CCSER1: variants seen among roughly 807,000 people sequenced by gnomAD.
CCSER1 encodes the protein coiled-coil serine rich protein 1.
CCSER1 carries 41 observed loss-of-function variants against 82.0 expected under a neutral mutation model. The ratio of observed to expected loss-of-function variants is 0.50; its 90% confidence interval spans 0.39 to 0.65. The LOEUF (loss-of-function observed/expected upper bound fraction) is 0.65, where lower values mean the gene tolerates loss of function less well. CCSER1 is among the 30% of genes least tolerant of loss of function. CCSER1 has a pLI of 0.00. For synonymous variants in CCSER1, 414 were observed against 383.9 expected (o/e 1.08, Z -0.92); for missense variants, 1,119 against 1,064.2 (o/e 1.05, Z -0.72).
At chr4:90,192,773 G>A (rs1261521252) in intron 1 of CCSER1, among the ~76,000 whole-genome samples, 1 of 151,976 alleles carries the variant, frequency 6.6e-6, no homozygotes, top group African/African-American at 2.4e-5. Context: ...ACTGAAGTTA[G>A]TAAAAAAATT....
intron 10 of CCSER1, among the ~76,000 whole-genome samples, chr4:91,315,129 C>A (rs1233186922): frequency 6.9e-6 from 1 of 144,394 alleles, no homozygotes; most frequent in Non-Finnish European, 1.5e-5. Context: ...AGGGCTACTT[C>A]TAGATAGAAC....
chr4:91,231,422 A>G (rs1738617817), intron 10 of CCSER1, among the ~76,000 whole-genome samples: 1 of 151,822 alleles, frequency 6.6e-6, no homozygotes, highest in Non-Finnish European at 1.5e-5. Context: ...ACATACACAT[A>G]TGTTTTTTCA....
intron 5 of CCSER1, among the ~76,000 whole-genome samples, chr4:90,574,775 T>G (rs1359798828): frequency 2.0e-5 from 3 of 151,906 alleles, no homozygotes; most frequent in Non-Finnish European, 4.4e-5. Context: ...GTGTTTTTTT[T>G]GTGTTATATT....
At chr4:90,522,805 G>A (rs1264444299) in intron 5 of CCSER1, among the ~76,000 whole-genome samples, 2 of 151,886 alleles carry the variant, frequency 1.3e-5, no homozygotes, top group Non-Finnish European at 2.9e-5. Flanking sequence ...AATATTTTTT[G>A]TTGAAATTAT....
chr4:90,185,087 TGA>T (rs1362445485), intron 1 of CCSER1, among the ~76,000 whole-genome samples: 2 of 152,056 alleles, frequency 1.3e-5, no homozygotes, highest in Non-Finnish European at 2.9e-5. Context: ...CTGTTGTATC[TGA>T]GAGTCAGCAG....
At chr4:90,145,886 A>G (rs1206385639) in intron 1 of CCSER1, among the ~76,000 whole-genome samples, 2 of 152,100 alleles carry the variant, frequency 1.3e-5, no homozygotes, top group East Asian at 1.9e-4. Context: ...CTATGCACTC[A>G]TAGGCATTGT....
intron 10 of CCSER1, among the ~76,000 whole-genome samples, chr4:91,517,244 T>C (rs1263656454): frequency 6.6e-6 from 1 of 152,096 alleles, no homozygotes; most frequent in Non-Finnish European, 1.5e-5. Flanking sequence ...TTTATAGGAG[T>C]AGTGAGAGAG....
chr4:90,466,526 GA>G (rs1197588451), intron 4 of CCSER1, among the ~76,000 whole-genome samples: 1 of 152,200 alleles, frequency 6.6e-6, no homozygotes, highest in Non-Finnish European at 1.5e-5. Flanking sequence ...TTGATACCTT[GA>G]TTTTGGCCTT....
chr4:90,177,037 A>G (rs957733155), intron 1 of CCSER1, among the ~76,000 whole-genome samples: 39 of 152,122 alleles, frequency 2.6e-4, no homozygotes, highest in African/African-American at 9.4e-4. Flanking sequence ...CTAAAGTGAC[A>G]GACTTTACCA....
intron 4 of CCSER1, among the ~76,000 whole-genome samples, chr4:90,421,312 T>G (rs1756656663): frequency 6.6e-6 from 1 of 152,170 alleles, no homozygotes; most frequent in South Asian, 2.1e-4. Context: ...TATGATGGAA[T>G]TGGGAAACTC....
chr4:90,942,441 T>A (rs1731705565), intron 9 of CCSER1, among the ~76,000 whole-genome samples: 1 of 152,198 alleles, frequency 6.6e-6, no homozygotes, highest in Non-Finnish European at 1.5e-5. Context: ...AAGCCTTTTT[T>A]AAAATTATTT....
Position 90,576,892 on chromosome 4 carries a change from G to A in CCSER1, c.1725-51133G>A, listed in dbSNP as rs562900485. Among the ~76,000 whole-genome samples, 306 of 152,222 alleles carry A rather than the reference G, an allele frequency of 2.0e-3. 1 individual carries two copies. The highest frequency in any genetic ancestry group is 7.0e-3 in the African/African-American group (292 of 41,558). On this transcript the variant is annotated intron_variant, in intron 5 of 10. Coordinates refer to ENST00000509176, the MANE Select transcript of CCSER1 (RefSeq NM_001145065.2). ...ACTTTGGGGTGGTAAATACTAAGTA[G>A]TGCAATTGCTAGATCATATAGTAAG...
rs377596616 is a variant in CCSER1, at chr4:90,977,863, ATAT to A, written c.2172+54421_2172+54423del. ...GCAAACATTGTAATGATTCACTTAGATATTATTTTCATTTTGATGGTATCTGTT... is the reference window on the plus strand; with the variant it reads ...GCAAACATTGTAATGATTCACTTAGATATTTTCATTTTGATGGTATCTGTT... On this transcript the variant is annotated intron_variant, in intron 9 of 10. Transcript: ENST00000509176. Among the ~76,000 whole-genome samples the A allele has an allele frequency of 2.1e-3, 314 of 151,772 alleles. 5 individuals carry two copies. Among genetic ancestry groups the A allele is most frequent in the African/African-American group, 7.4e-3 (305 of 41,416 alleles).
rs541970181 is a variant in CCSER1, at chr4:90,933,354, A to AT, written c.2172+9913dup. On this transcript the variant is annotated intron_variant, in intron 9 of 10. Coordinates refer to ENST00000509176, the MANE Select transcript of CCSER1 (RefSeq NM_001145065.2). The stretch of plus-strand genomic sequence containing the variant: ...AGGCGCCCGCCACCACGCCCGGCTA[A>AT]TTTTTTGTATTTTTAGTAGAGACGG... Among the ~76,000 whole-genome samples, 1,359 of 151,552 alleles carry AT rather than the reference A, an allele frequency of 9.0e-3. 10 individuals are homozygous for AT. The highest frequency in any genetic ancestry group is 0.013 in the Non-Finnish European group (915 of 67,814).
intron 10 of CCSER1, among the ~76,000 whole-genome samples, chr4:91,178,785 G>T (rs1392657414): frequency 6.6e-6 from 1 of 151,916 alleles, no homozygotes; most frequent in Non-Finnish European, 1.5e-5. Flanking sequence ...TTCTTTTAAT[G>T]AGGGCATTTA....
chr4:90,288,919 A>G (rs753952479), intron 1 of CCSER1, among the ~76,000 whole-genome samples: 2 of 151,932 alleles, frequency 1.3e-5, no homozygotes, highest in African/African-American at 4.8e-5. Flanking sequence ...CAACCAAGGG[A>G]TAAATTACTC....
intron 1 of CCSER1, among the ~76,000 whole-genome samples, chr4:90,147,621 A>C (rs1256986866): frequency 1.3e-5 from 2 of 152,234 alleles, no homozygotes; most frequent in Non-Finnish European, 2.9e-5. Flanking sequence ...TACTAAAAGC[A>C]AGAGGCTTAT....
intron 10 of CCSER1, among the ~76,000 whole-genome samples, chr4:91,469,847 T>C (rs949668575): frequency 6.6e-6 from 1 of 152,220 alleles, no homozygotes; most frequent in Non-Finnish European, 1.5e-5. Flanking sequence ...TGCCCTCTAC[T>C]AAGTGGTGCA....
chr4:91,063,239 G>A (rs964082373), intron 9 of CCSER1, among the ~76,000 whole-genome samples: 5 of 152,086 alleles, frequency 3.3e-5, no homozygotes, highest in Admixed American at 6.6e-5. Context: ...ATAGAGACCA[G>A]TTGCAACTTT....
Sources: gnomAD v4.1 joint callset for allele counts (sites outside exome capture counted in the v4.1 genomes callset) on GRCh38, gnomAD v4.1.1 for gene constraint, MANE v1.5 for transcripts, NCBI Gene and HGNC (gene_info 2026-07-23, HGNC 2026-07-21) for gene names.